DRAXIN: variants seen among roughly 807,000 people sequenced by gnomAD.
DRAXIN encodes dorsal repulsive axon guidance protein.
DRAXIN carries 27 observed loss-of-function variants against 33.9 expected under a neutral mutation model. That is an observed-to-expected ratio of 0.80 (90% CI 0.59 to 1.10). The LOEUF (loss-of-function observed/expected upper bound fraction) is 1.10, where lower values mean the gene tolerates loss of function less well. Among genes scored for constraint, DRAXIN ranks in the 50% least tolerant of loss-of-function variants. DRAXIN has a pLI of 0.00. For synonymous variants in DRAXIN, 178 were observed against 194.0 expected, an observed-to-expected ratio of 0.92 and a Z score of 0.69; for missense variants, 371 against 460.8, an observed-to-expected ratio of 0.81 and a Z score of 1.78.
At chr1:11,714,978 C>G in intron 5 of DRAXIN, 141 bp from the exon 6 acceptor site, 1 of 901,272 alleles carries the variant, frequency 1.1e-6, no homozygotes, top group Non-Finnish European at 1.7e-6. Context: ...CACTCAGGAG[C>G]CTTGCACACC....
At chr1:11,709,247 C>A (rs766281349) in intron 2 of DRAXIN, 28 bp from the exon 3 acceptor site, 20 of 1,582,582 alleles carry the variant, frequency 1.3e-5, no homozygotes, top group Non-Finnish European at 1.6e-5. Flanking sequence ...GCAGATATAG[C>A]CCCCGTGCTC....
chr1:11,710,265 G>C (rs188413365), intron 3 of DRAXIN, among the ~76,000 whole-genome samples: 28 of 151,920 alleles, frequency 1.8e-4, no homozygotes, highest in African/African-American at 6.5e-4. Context: ...GCCAAGGCAC[G>C]AGGGTCACTT....
At chr1:11,717,057 G>A (rs763504290) in intron 6 of DRAXIN, among the ~76,000 whole-genome samples, 2 of 152,160 alleles carry the variant, frequency 1.3e-5, no homozygotes, top group African/African-American at 2.4e-5. Context: ...GGCCGAGGCA[G>A]GAGGATCACT....
At chr1:11,700,452 C>T (rs1400503207) in intron 1 of DRAXIN, among the ~76,000 whole-genome samples, 2 of 152,224 alleles carry the variant, frequency 1.3e-5, no homozygotes, top group Non-Finnish European at 2.9e-5. Context: ...CCCTGGAATA[C>T]TCTTCAGTGA....
intron 5 of DRAXIN, 131 bp from the exon 6 acceptor site, chr1:11,714,988 C>A: frequency 9.7e-7 from 1 of 1,026,908 alleles, no homozygotes; most frequent in Non-Finnish European, 1.5e-6. Context: ...CCTTGCACAC[C>A]AGATGGCCCA....
chr1:11,706,836 C>A lies in DRAXIN; in HGVS notation c.451+127C>A, dbSNP rs544890779. The A allele has an allele frequency of 1.1e-4, 119 of 1,035,676 alleles. 2 individuals carry two copies. The South Asian group carries it at 2.1e-3, about 18-fold the overall frequency. The allele number at this position is 1,035,676 out of a possible 1,614,324, so 64.2% of individuals were successfully genotyped here. ...AGGAGAGGAGGGGTCTCACTGAAGC[C>A]AGAGGGACCTGGTAAGGGGAGGAGG... On this transcript the variant is annotated intron_variant, in intron 2 of 6. Coordinates refer to ENST00000294485, the MANE Select transcript of DRAXIN (RefSeq NM_198545.4). The surrounding 1 kb of genome is among the most constrained non-coding windows in gnomAD (Gnocchi z 5.5).
At chr1:11,687,056 T>C (rs9430609), upstream of DRAXIN, among the ~76,000 whole-genome samples, 25,254 of 151,860 alleles carry the variant, frequency 0.17, 3,355 homozygotes, top group African/African-American at 0.37. This position sits in a 1 kb window ranked among gnomAD's most constrained non-coding sequence, Gnocchi z 4.1. Flanking sequence ...GATTGTCCAA[T>C]TTTTTTATTT....
intron 3 of DRAXIN, among the ~76,000 whole-genome samples, chr1:11,711,626 G>A (rs867062307): frequency 5.3e-5 from 8 of 152,216 alleles, no homozygotes; most frequent in Middle Eastern, 3.2e-3. Flanking sequence ...TGTGTGCATG[G>A]TCCTTCTTGA....
chr1:11,714,462 G>A (rs553200309), intron 5 of DRAXIN, among the ~76,000 whole-genome samples: 19 of 152,376 alleles, frequency 1.2e-4, no homozygotes, highest in African/African-American at 4.1e-4. Context: ...CCCTGAAGCT[G>A]TACCAGCTGG....
chr1:11,698,098 T>A (rs915254754), intron 1 of DRAXIN, among the ~76,000 whole-genome samples: 1 of 151,822 alleles, frequency 6.6e-6, no homozygotes, highest in African/African-American at 2.4e-5. Context: ...ACTGACTTCC[T>A]AAGTAGTCAA....
chr1:11,719,019 G>A (rs1641620373), intron 6 of DRAXIN, among the ~76,000 whole-genome samples: 1 of 152,128 alleles, frequency 6.6e-6, no homozygotes, highest in African/African-American at 2.4e-5. Flanking sequence ...TCCTGCCTCA[G>A]CCTCCCAAGT....
chr1:11,706,343 G>T lies in DRAXIN; in HGVS notation c.85G>T (p.Ala29Ser), dbSNP rs762272496. The change falls in exon 2 of 7, where the codon GCA becomes TCA. Residue 29 changes from alanine (A) to serine (S), a missense_variant. Ala to Ser is a moderately conservative substitution (Grantham distance 99). Transcript: ENST00000294485. This position sits in a 1 kb window ranked among gnomAD's most constrained non-coding sequence, Gnocchi z 5.5. ...PLELSLAGAL[A>S]PGTPARNLPE... Reference sequence around the variant, plus strand: ...GGAGCTGAGCCTGGCAGGCGCCCTTGCACCTGGGACCCCTGCCCGGAACCT... The same window carrying T: ...GGAGCTGAGCCTGGCAGGCGCCCTTTCACCTGGGACCCCTGCCCGGAACCT... The T allele has an allele frequency of 3.1e-6, 5 of 1,613,796 alleles. No homozygotes were observed. The South Asian group carries it at 3.3e-5, about 11-fold the overall frequency.
rs74441669 is a variant in DRAXIN at position 11,692,612 on chromosome 1, G to A, written c.-11+759G>A. 6.6e-6 allele frequency among the ~76,000 whole-genome samples: 1 copy of A among 152,196 alleles called. No individual in the cohort carries two copies. The highest frequency in any genetic ancestry group is 1.9e-4 in the East Asian group (1 of 5,188). Reference sequence around the variant, plus strand: ...CGGGGCCGGGGTATGAGATGAGAGAGGGCTGGGGTTTCCCGCCAAGTCTTT... The same window carrying A: ...CGGGGCCGGGGTATGAGATGAGAGAAGGCTGGGGTTTCCCGCCAAGTCTTT... On this transcript the variant is annotated intron_variant, in intron 1 of 6. Transcript: ENST00000294485. This position sits in a 1 kb window ranked among gnomAD's most constrained non-coding sequence, Gnocchi z 5.8.
rs1203862166 is a variant in DRAXIN at position 11,705,743 on chromosome 1, C to T, written c.-10-506C>T. Among the ~76,000 whole-genome samples, 1 of 152,144 alleles carries T rather than the reference C, an allele frequency of 6.6e-6. No individual in the cohort carries two copies. Among genetic ancestry groups the T allele is most frequent in the East Asian group, 1.9e-4 (1 of 5,194 alleles). On this transcript the variant is annotated intron_variant, in intron 1 of 6. Coordinates refer to ENST00000294485, the MANE Select transcript of DRAXIN (RefSeq NM_198545.4). The surrounding 1 kb of genome is among the most constrained non-coding windows in gnomAD (Gnocchi z 4.8). Reference sequence around the variant, plus strand: ...AAGTGACATGAATTCACACAAAGCACTTAACGTGGGTCCTGCCTACAGCGT... The same window carrying T: ...AAGTGACATGAATTCACACAAAGCATTTAACGTGGGTCCTGCCTACAGCGT...
Position 11,694,285 on chromosome 1 carries a change from C to G in DRAXIN, c.-11+2432C>G, listed in dbSNP as rs531740745. On this transcript the variant is annotated intron_variant, in intron 1 of 6. Coordinates refer to ENST00000294485, the MANE Select transcript of DRAXIN (RefSeq NM_198545.4). The surrounding 1 kb of genome is among the most constrained non-coding windows in gnomAD (Gnocchi z 4.9). The stretch of plus-strand genomic sequence containing the variant: ...CAAAGGCACAGGAATGAACTGAAAA[C>G]TGCAAGCCCCAGTGTCTTGCTGAGT... 1.3e-5 allele frequency among the ~76,000 whole-genome samples: 2 copies of G among 152,212 alleles called. No homozygotes were observed. Among genetic ancestry groups the G allele is most frequent in the East Asian group, 1.9e-4 (1 of 5,170 alleles).
chr1:11,703,671 C>CA (rs1641335819), intron 1 of DRAXIN, among the ~76,000 whole-genome samples: 1 of 152,152 alleles, frequency 6.6e-6, no homozygotes, highest in Admixed American at 6.5e-5. Flanking sequence ...ATGGAGCCCC[C>CA]TTGGATGCAC....
At chr1:11,687,783 C>T (rs72869757), upstream of DRAXIN, among the ~76,000 whole-genome samples, 2,133 of 152,302 alleles carry the variant, frequency 0.014, 46 homozygotes, top group African/African-American at 0.048. The surrounding 1 kb of genome is among the most constrained non-coding windows in gnomAD (Gnocchi z 4.1). Flanking sequence ...TCATCCAGGT[C>T]GAATCACATA....
upstream of DRAXIN, among the ~76,000 whole-genome samples, chr1:11,688,008 C>T (rs1277996410): frequency 6.6e-6 from 1 of 152,150 alleles, no homozygotes; most frequent in Non-Finnish European, 1.5e-5. This position sits in a 1 kb window ranked among gnomAD's most constrained non-coding sequence, Gnocchi z 4.6. Context: ...TATTGTGTCA[C>T]CCCAGCTCCA....
intron 1 of DRAXIN, among the ~76,000 whole-genome samples, chr1:11,693,915 A>T (rs951377315): frequency 5.9e-5 from 9 of 152,218 alleles, no homozygotes; most frequent in African/African-American, 2.2e-4. Flanking sequence ...CCTGCCTCCC[A>T]GCATTGTCCC....
Sources: allele counts gnomAD v4.1 joint callset (sites outside exome capture counted in the v4.1 genomes callset), GRCh38; gene constraint gnomAD v4.1.1; non-coding constraint Gnocchi (gnomAD v3.1); transcripts MANE v1.5; gene names NCBI Gene and HGNC (gene_info 2026-07-23, HGNC 2026-07-21).